The following HAUS6 variants were observed in gnomAD, a reference collection of about 807,000 sequenced individuals.
HAUS6 encodes HAUS augmin like complex subunit 6.
Under a neutral mutation model 106.8 loss-of-function variants are expected in HAUS6, and 80 were observed. That is an observed-to-expected ratio of 0.75 (90% CI 0.63 to 0.90). The LOEUF is 0.90. Ranked by LOEUF, HAUS6 falls within the 40% of genes least tolerant of loss-of-function variation. HAUS6 has a pLI of 0.00. For missense variants in HAUS6, 1,155 were observed against 1,118.1 expected (o/e 1.03, Z -0.47); for synonymous variants, 356 against 379.1 (o/e 0.94, Z 0.71).
chr9:19,086,410 C>T (rs1837297058), intron 7 of HAUS6, among the ~76,000 whole-genome samples: 2 of 152,088 alleles, frequency 1.3e-5, no homozygotes, highest in Non-Finnish European at 2.9e-5. Context: ...CATCTGAGCT[C>T]AAGAGTTCAA....
chr9:19,102,525 C>G lies in HAUS6; in HGVS notation c.127G>C (p.Val43Leu). ...CCCCGCCGGCCCCGGCCTCCTTACACTCCGAGGTGCGTGTGCGACACGATC... is the reference window on the plus strand; with the variant it reads ...CCCCGCCGGCCCCGGCCTCCTTACAGTCCGAGGTGCGTGTGCGACACGATC... ...GKIVSHTHLG[V>L]NMFDKLNRDA... is the part of the protein sequence containing the mutation. Residue 43 changes from valine to leucine, a missense_variant and splice_region_variant, in exon 1 of 17, where the codon GTG becomes CTG. Val to Leu is a conservative substitution (Grantham distance 32, BLOSUM62 1). Around this residue, in one of 3 missense-constraint regions of HAUS6, gnomAD observed 761 missense variants for 690.0 expected, o/e 1.10. Coordinates refer to ENST00000380502, the MANE Select transcript of HAUS6 (RefSeq NM_017645.5). 1 of 1,613,514 alleles carries G rather than the reference C, an allele frequency of 6.2e-7. No homozygotes were observed. Among genetic ancestry groups the G allele is most frequent in the Non-Finnish European group, 8.5e-7 (1 of 1,179,778 alleles).
chr9:19,093,335 A>G, intron 3 of HAUS6, 32 bp from the exon 4 acceptor site: 1 of 1,557,968 alleles, frequency 6.4e-7, no homozygotes, highest in Non-Finnish European at 8.8e-7. Context: ...TGATTTGAAG[A>G]CCTTGTTAAC....
chr9:19,092,185 G>A (rs547031442), intron 4 of HAUS6, among the ~76,000 whole-genome samples: 1 of 151,798 alleles, frequency 6.6e-6, no homozygotes, highest in Non-Finnish European at 1.5e-5. Flanking sequence ...CGCCGGGCAC[G>A]GTGGCTTATG....
chr9:19,081,116 A>AC (rs1056844634), intron 8 of HAUS6, among the ~76,000 whole-genome samples: 26 of 152,058 alleles, frequency 1.7e-4, no homozygotes, highest in African/African-American at 4.6e-4. Flanking sequence ...AAAATCAAAT[A>AC]CCCCCAAACA....
intron 14 of HAUS6, among the ~76,000 whole-genome samples, chr9:19,061,197 A>C (rs1836610007): frequency 6.6e-6 from 1 of 152,154 alleles, no homozygotes; most frequent in Non-Finnish European, 1.5e-5. Context: ...TTAAAAATAC[A>C]AATAAAATTG....
Position 19,093,213 on chromosome 9 carries a change from C to T in HAUS6, c.394G>A (p.Ala132Thr), listed in dbSNP as rs2131151728. ...ATATATTTCATTGCAACAAATCTTG[C>T]AAAATGATACATCAGATGAATAAAC... ...PKFIHLMYHF[A>T]RFVAMKYIKS... The change falls in exon 4 of 17, where the codon GCA (alanine) becomes ACA (threonine). Residue 132 changes from alanine to threonine, a missense_variant. Physicochemically the swap from Ala to Thr is moderately conservative, Grantham distance 58. Coordinates refer to ENST00000380502, the MANE Select transcript of HAUS6 (RefSeq NM_017645.5). 5 of 1,603,998 alleles carry T rather than the reference C, an allele frequency of 3.1e-6. No individual in the cohort carries two copies. In the East Asian group the frequency reaches 8.9e-5, roughly 29 times the overall value.
At chr9:19,076,786 G>T in intron 10 of HAUS6, 82 bp from the exon 11 acceptor site, 1 of 669,756 alleles carries the variant, frequency 1.5e-6, no homozygotes, top group South Asian at 1.8e-5. Flanking sequence ...TCTATGAATA[G>T]ATTATCTTCT....
chr9:19,082,899 C>G lies in HAUS6; in HGVS notation c.844G>C (p.Asp282His), dbSNP rs750090503. 4.0e-6 allele frequency: 6 copies of G among 1,496,354 alleles called. No homozygotes were observed. The highest frequency in any genetic ancestry group is 3.6e-6 in the Non-Finnish European group (4 of 1,123,898). 92.7% of individuals were successfully genotyped at this position (1,496,354 alleles called of 1,614,324 possible). ...VAINIPRLLL[D>H]KIEKQMFQLH... ...TGAAACATTTGTTTCTCAATTTTGT[C>G]AAGTAAGAGCCTTGGAATATTAATA... Residue 282 changes from aspartate to histidine, a missense_variant, in exon 8 of 17, where the codon GAC (aspartate) becomes CAC (histidine). Around this residue, in one of 3 missense-constraint regions of HAUS6, gnomAD observed 761 missense variants for 690.0 expected, o/e 1.10. Transcript: ENST00000380502.
intron 4 of HAUS6, among the ~76,000 whole-genome samples, chr9:19,089,941 T>C (rs1387766894): frequency 6.6e-6 from 1 of 152,070 alleles, no homozygotes; most frequent in African/African-American, 2.4e-5. Context: ...CAAGCAATCC[T>C]CTCACCTCAG....
At chr9:19,079,461 C>T (rs1459455945) in intron 9 of HAUS6, among the ~76,000 whole-genome samples, 2 of 151,526 alleles carry the variant, frequency 1.3e-5, no homozygotes, top group Non-Finnish European at 2.9e-5. Context: ...GAACTTCTGA[C>T]CTGAGGTGAT....
chr9:19,070,335 A>G (rs371512316), intron 11 of HAUS6, 35 bp from the exon 12 acceptor site: 162 of 1,083,452 alleles, frequency 1.5e-4, no homozygotes, highest in Non-Finnish European at 3.1e-5. Context: ...CTCTTTAATT[A>G]TGTTTGTACA....
chr9:19,090,449 C>G (rs1817720719), intron 4 of HAUS6, among the ~76,000 whole-genome samples: 1 of 152,194 alleles, frequency 6.6e-6, no homozygotes, highest in African/African-American at 2.4e-5. Flanking sequence ...ACTGCAACCT[C>G]CGCCTCCAGG....
At position 19,063,173 on chromosome 9, in the gene HAUS6, G is replaced by A. The variant is rs779140647; in HGVS notation, c.1464C>T (p.Pro488=). The A allele has an allele frequency of 6.2e-7, 1 of 1,601,286 alleles. No homozygotes were observed. The highest frequency in any genetic ancestry group is 1.1e-5 in the South Asian group (1 of 89,974). ...TAGAAATTGCTTCATTTTTTTCTTT[G>A]GGAGTTCCCATCTTTGTGTCCTGAA... ...VLEKDTKMGT[P]KEKNEAISKK... Residue 488 remains proline (P), a synonymous_variant, in exon 14 of 17, where the codon CCC becomes CCT. Transcript: ENST00000380502.
chr9:19,077,668 A>G (rs944936240), intron 10 of HAUS6, among the ~76,000 whole-genome samples: 2 of 152,204 alleles, frequency 1.3e-5, no homozygotes, highest in South Asian at 4.1e-4. Context: ...CATAACATAG[A>G]AACTTTAGAC....
intron 9 of HAUS6, among the ~76,000 whole-genome samples, chr9:19,080,128 C>T (rs190895472): frequency 9.7e-5 from 14 of 144,748 alleles, no homozygotes; most frequent in African/African-American, 3.4e-4. Context: ...GAGCCAAGAT[C>T]GCGCCATTGC....
chr9:19,095,534 T>C (rs1289381023), intron 2 of HAUS6, among the ~76,000 whole-genome samples: 1 of 152,086 alleles, frequency 6.6e-6, no homozygotes, highest in African/African-American at 2.4e-5. Flanking sequence ...AATCTGTTTT[T>C]ATTTGGACAG....
At chr9:19,056,583 T>A in intron 16 of HAUS6, 179 bp from the exon 17 acceptor site, 1 of 538,978 alleles carries the variant, frequency 1.9e-6, no homozygotes, top group Non-Finnish European at 3.3e-6. Flanking sequence ...GATCAATACA[T>A]TCCTCCCAGA....
In HAUS6 at chr9:19,053,413, T is replaced by A. The variant is rs1387703218; in HGVS notation, c.*2930A>T. On this transcript the variant is annotated 3_prime_UTR_variant, in exon 17 of 17. Transcript: ENST00000380502. ...TCTGCTTTTACACAGGTCTCCAGAATTCCTGTTTTTCCTTTAGATAAATTT... is the reference window on the plus strand; with the variant it reads ...TCTGCTTTTACACAGGTCTCCAGAAATCCTGTTTTTCCTTTAGATAAATTT... The A allele has an allele frequency of 6.6e-6, 1 of 152,174 alleles. No individual in the cohort carries two copies. The highest frequency in any genetic ancestry group is 1.5e-5 in the Non-Finnish European group (1 of 67,994). 9.4% of individuals were successfully genotyped at this position (152,174 alleles called of 1,614,324 possible).
Position 19,096,788 on chromosome 9 carries a change from A to T in HAUS6, c.129-19T>A. 8.5e-7 allele frequency: 1 copy of T among 1,179,890 alleles called. No homozygotes were observed. The allele number at this position is 1,179,890 out of a possible 1,614,324, so 73.1% of individuals were successfully genotyped here. A position where few individuals can be genotyped will look rare whatever the true frequency, so the allele number is the denominator to read the frequency against. ...CATGTTCCTAGTGGTTAAAAATGAA[A>T]TAGAAATAGAAAAAGAAAAAGGTTA... is the stretch of plus-strand genomic sequence containing the variant. On this transcript the variant is annotated intron_variant, in intron 1 of 16. Transcript: ENST00000380502.
Sources: allele counts gnomAD v4.1 joint callset (sites outside exome capture counted in the v4.1 genomes callset), GRCh38; gene constraint gnomAD v4.1.1; regional missense constraint gnomAD v4.1.1; transcripts MANE v1.5; gene names NCBI Gene and HGNC (gene_info 2026-07-23, HGNC 2026-07-21).